DPH6: variants seen among roughly 807,000 people sequenced by gnomAD.
DPH6 encodes diphthine--ammonia ligase.
In DPH6, 33 loss-of-function variants were observed where a neutral mutation model predicts 38.2. The observed-to-expected ratio is 0.86, with a 90% CI of 0.65 to 1.15. The LOEUF (loss-of-function observed/expected upper bound fraction) is 1.15, where lower values mean the gene tolerates loss of function less well. Among genes scored for constraint, DPH6 ranks in the 50% most tolerant of loss-of-function variants. The probability of loss-of-function intolerance (pLI) is 0.00; values close to 1 mark genes in which losing one functional copy is unlikely to be tolerated. For synonymous variants in DPH6, 108 were observed against 103.0 expected (o/e 1.05, Z -0.30); for missense variants, 325 against 320.0 (o/e 1.02, Z -0.12).
At chr15:35,222,927 A>G (rs558835783) in intron 3 of DPH6, among the ~76,000 whole-genome samples, 3 of 152,258 alleles carry the variant, frequency 2.0e-5, no homozygotes, top group Non-Finnish European at 4.4e-5. Context: ...TTATTTAGGA[A>G]TCAAATGGGA....
At chr15:35,510,700 A>G (rs1792189683) in intron 3 of DPH6, among the ~76,000 whole-genome samples, 2 of 152,182 alleles carry the variant, frequency 1.3e-5, no homozygotes, top group Admixed American at 6.5e-5. Flanking sequence ...ATTTGGAGAT[A>G]ATATACCATG....
In DPH6 at chr15:35,482,540, A is replaced by C. The variant is rs550653305; in HGVS notation, c.313-27720T>G. On this transcript the variant is annotated intron_variant, in intron 3 of 8. Transcript: ENST00000256538. ...AATAAGACAGAATTTAAAGTCTAGAAATAAATCTAGAAATAAAGTATTTAC... is the reference window on the plus strand; with the variant it reads ...AATAAGACAGAATTTAAAGTCTAGACATAAATCTAGAAATAAAGTATTTAC... 2.0e-5 allele frequency among the ~76,000 whole-genome samples: 3 copies of C among 152,324 alleles called. No individual in the cohort carries two copies. In the East Asian group the frequency reaches 5.8e-4, roughly 29 times the overall value.
chr15:35,153,250 T>A, the DPH6 span, among the ~76,000 whole-genome samples: 1 of 152,164 alleles, frequency 6.6e-6, no homozygotes, highest in Non-Finnish European at 1.5e-5. Flanking sequence ...ATTTACTATC[T>A]GGCATACAGA....
At chr15:35,187,674 C>T in the DPH6 span, among the ~76,000 whole-genome samples, 3 of 152,152 alleles carry the variant, frequency 2.0e-5, no homozygotes, top group African/African-American at 4.8e-5. Context: ...GGGCACAGTC[C>T]TAATTTTTAC....
chr15:35,185,082 G>A, the DPH6 span, among the ~76,000 whole-genome samples: 1 of 146,354 alleles, frequency 6.8e-6, no homozygotes, highest in South Asian at 2.3e-4. Context: ...GCTCCAATGT[G>A]GGAAAAAAAA....
intron 5 of DPH6, among the ~76,000 whole-genome samples, chr15:35,448,865 A>G (rs2053891048): frequency 6.6e-6 from 1 of 152,018 alleles, no homozygotes; most frequent in Non-Finnish European, 1.5e-5. Context: ...AATTATAAAA[A>G]ATATATTTGT....
At position 35,505,886 on chromosome 15, in the gene DPH6, A is replaced by C. The variant is rs368782068; in HGVS notation, c.312+32388T>G. On this transcript the variant is annotated intron_variant, in intron 3 of 8. Transcript: ENST00000256538. ...GTTGAAAATCAAGATTTTTTGCCTT[A>C]TAGGTGGAACTCTAAGCAGAGAGAT... Among the ~76,000 whole-genome samples, 116 of 152,230 alleles carry C rather than the reference A, an allele frequency of 7.6e-4. 1 individual carries two copies. The South Asian group carries it at 0.023, about 30-fold the overall frequency.
chr15:35,249,846 C>T (rs1413534670), intron 3 of DPH6, among the ~76,000 whole-genome samples: 2 of 152,076 alleles, frequency 1.3e-5, no homozygotes, highest in Admixed American at 1.3e-4. Context: ...GCAGGAAGAA[C>T]AGTTAACCAA....
At chr15:35,206,223 T>C in the DPH6 span, among the ~76,000 whole-genome samples, 2 of 152,182 alleles carry the variant, frequency 1.3e-5, no homozygotes, top group Non-Finnish European at 1.5e-5. Context: ...AATATGATTT[T>C]GGAATGATGC....
chr15:35,528,576 G>T (rs2055039729), intron 3 of DPH6, among the ~76,000 whole-genome samples: 1 of 151,958 alleles, frequency 6.6e-6, no homozygotes, highest in African/African-American at 2.4e-5. Flanking sequence ...AAACCTTTCA[G>T]ATACCTAGTA....
intron 3 of DPH6, among the ~76,000 whole-genome samples, chr15:35,274,719 G>A (rs1210610487): frequency 6.6e-6 from 1 of 151,880 alleles, no homozygotes. Context: ...TTAGAATGGT[G>A]ATTATTAACA....
At chr15:35,445,027 G>A (rs557959499) in intron 5 of DPH6, among the ~76,000 whole-genome samples, 1 of 152,276 alleles carries the variant, frequency 6.6e-6, no homozygotes, top group Admixed American at 6.5e-5. Flanking sequence ...AGTATCATGA[G>A]ATTGTCATTT....
At chr15:35,411,514 GCGTAAC>G (rs1293044126) in intron 5 of DPH6, among the ~76,000 whole-genome samples, 1 of 151,582 alleles carries the variant, frequency 6.6e-6, no homozygotes, top group Admixed American at 6.6e-5. Context: ...AATAGCGTGT[GCGTAAC>G]CTTTAATAAA....
downstream of DPH6, among the ~76,000 whole-genome samples, chr15:35,327,322 T>C (rs2052290691): frequency 1.3e-5 from 2 of 151,814 alleles, no homozygotes; most frequent in South Asian, 4.1e-4. Flanking sequence ...GACTAAAATT[T>C]CTAGAAAAGG....
At chr15:35,296,816 G>GCTCCTATCTA (rs2052018859) in intron 3 of DPH6, among the ~76,000 whole-genome samples, 164 of 52,778 alleles carry the variant, frequency 3.1e-3, no homozygotes, top group East Asian at 0.021. Flanking sequence ...TTTTTTTTTT[G>GCTCCTATCTA]AGACGGAGTC....
chr15:35,477,062 A>T (rs1471307353), intron 3 of DPH6, among the ~76,000 whole-genome samples: 2 of 151,858 alleles, frequency 1.3e-5, no homozygotes, highest in Non-Finnish European at 3.0e-5. Flanking sequence ...GTACAAAGAC[A>T]AGACTTCTTA....
At chr15:35,467,436 C>CGCA (rs1246078960) in intron 3 of DPH6, among the ~76,000 whole-genome samples, 6 of 151,974 alleles carry the variant, frequency 3.9e-5, no homozygotes, top group Non-Finnish European at 8.8e-5. Flanking sequence ...CATGGTGGTG[C>CGCA]GCACCTGTAA....
At chr15:35,283,202 CT>C (rs2051913954) in intron 3 of DPH6, among the ~76,000 whole-genome samples, 4 of 139,092 alleles carry the variant, frequency 2.9e-5, no homozygotes, top group African/African-American at 8.1e-5. Context: ...TCTTCTTCTT[CT>C]TTCTTCCTCT....
At chr15:35,253,967 A>G (rs1326192234) in intron 3 of DPH6, among the ~76,000 whole-genome samples, 1 of 152,216 alleles carries the variant, frequency 6.6e-6, no homozygotes, top group East Asian at 1.9e-4. Context: ...CAAGCTAACC[A>G]TCAAAAGAAT....
Sources: gnomAD v4.1 joint callset for allele counts (sites outside exome capture counted in the v4.1 genomes callset) on GRCh38, gnomAD v4.1.1 for gene constraint, MANE v1.5 for transcripts, NCBI Gene and HGNC (gene_info 2026-07-23, HGNC 2026-07-21) for gene names.